Variants in GALNTL6 observed in about 807,000 individuals in gnomAD.
GALNTL6 encodes the protein polypeptide N-acetylgalactosaminyltransferase-like 6.
A neutral mutation model predicts 73.7 loss-of-function variants in GALNTL6; 46 were observed. The observed-to-expected ratio is 0.62, with a 90% CI of 0.49 to 0.80. GALNTL6 has a LOEUF of 0.80. Ranked by LOEUF, GALNTL6 falls within the 30% of genes least tolerant of loss-of-function variation. GALNTL6 has a pLI of 0.00. For synonymous variants in GALNTL6, 259 were observed against 263.7 expected, an observed-to-expected ratio of 0.98 and a Z score of 0.17; for missense variants, 604 against 755.0, an observed-to-expected ratio of 0.80 and a Z score of 2.34.
intron 5 of GALNTL6, among the ~76,000 whole-genome samples, chr4:172,373,726 T>C (rs1742912839): frequency 6.6e-6 from 1 of 152,094 alleles, no homozygotes. Context: ...CTCTACCTAA[T>C]AAGGGTGTGG....
chr4:172,809,912 TACACACAC>T lies in GALNTL6; in HGVS notation c.739+398_739+405del, dbSNP rs5864170. 0.062 allele frequency among the ~76,000 whole-genome samples: 8,786 copies of T among 141,200 alleles called. 366 individuals carry two copies. Among genetic ancestry groups the T allele is most frequent in the African/African-American group, 0.13 (4,962 of 38,430 alleles). 92.6% of individuals were successfully genotyped at this position (141,200 alleles called of 152,430 possible). ...TCCTGTAGCTACAGCAAGATTAAAA[TACACACAC>T]ACACACACACACACACACACACACA... On this transcript the variant is annotated intron_variant, in intron 6 of 12. Transcript: ENST00000506823. The surrounding 1 kb of genome is among the most constrained non-coding windows in gnomAD (Gnocchi z 4.4).
At chr4:171,814,958 A>G in intron 2 of GALNTL6, 4 of 563,572 alleles carry the variant, frequency 7.1e-6, no homozygotes, top group Non-Finnish European at 1.3e-5. Flanking sequence ...GAAGAAGAGA[A>G]GATAATCTTT....
At chr4:172,549,231 T>C (rs765312812) in intron 5 of GALNTL6, among the ~76,000 whole-genome samples, 1 of 152,212 alleles carries the variant, frequency 6.6e-6, no homozygotes, top group Non-Finnish European at 1.5e-5. Context: ...TTGGCTGTTA[T>C]TGAAGGGAGT....
intron 5 of GALNTL6, among the ~76,000 whole-genome samples, chr4:172,375,138 G>T (rs367632233): frequency 2.0e-5 from 3 of 152,152 alleles, no homozygotes; most frequent in Admixed American, 1.3e-4. Context: ...TAGGATATGG[G>T]GATAAGCTGA....
chr4:172,259,393 G>A (rs1388229680), intron 3 of GALNTL6, among the ~76,000 whole-genome samples: 4 of 149,202 alleles, frequency 2.7e-5, no homozygotes, highest in African/African-American at 7.3e-5. Context: ...TCGGCCATTC[G>A]TATATCTTCT....
intron 2 of GALNTL6, among the ~76,000 whole-genome samples, chr4:172,097,154 TG>T (rs1231090445): frequency 1.3e-5 from 2 of 152,196 alleles, no homozygotes; most frequent in Non-Finnish European, 2.9e-5. Context: ...TTCCTGTTTT[TG>T]GTCGTATTAC....
chr4:172,366,935 G>A (rs1395865164), intron 5 of GALNTL6, among the ~76,000 whole-genome samples: 1 of 152,136 alleles, frequency 6.6e-6, no homozygotes, highest in Non-Finnish European at 1.5e-5. Context: ...TAATTAATTA[G>A]GTAACATCAA....
At chr4:171,964,712 A>C (rs1421536529) in intron 2 of GALNTL6, among the ~76,000 whole-genome samples, 2 of 152,222 alleles carry the variant, frequency 1.3e-5, no homozygotes, top group Non-Finnish European at 2.9e-5. Context: ...AGTGGTGGCT[A>C]TGAAGCAGCA....
chr4:172,719,456 G>T, intron 5 of GALNTL6, among the ~76,000 whole-genome samples: 1 of 151,876 alleles, frequency 6.6e-6, no homozygotes, highest in African/African-American at 2.4e-5. Flanking sequence ...TGTATATAAT[G>T]GATATATCCC....
At chr4:172,156,559 A>ATAC (rs1553997745) in intron 2 of GALNTL6, among the ~76,000 whole-genome samples, 11 of 96,092 alleles carry the variant, frequency 1.1e-4, no homozygotes, top group African/African-American at 4.2e-4. Context: ...ATATATATAT[A>ATAC]TATATATACA....
At chr4:171,937,565 G>C (rs1001609903) in intron 2 of GALNTL6, among the ~76,000 whole-genome samples, 1 of 152,040 alleles carries the variant, frequency 6.6e-6, no homozygotes, top group African/African-American at 2.4e-5. Context: ...CTGAAAACTG[G>C]AGATTTCTGT....
chr4:172,766,367 G>A (rs1292743254), intron 5 of GALNTL6, among the ~76,000 whole-genome samples: 4 of 152,054 alleles, frequency 2.6e-5, no homozygotes, highest in East Asian at 1.9e-4. Flanking sequence ...TATGCATTCC[G>A]AGTCTATGTT....
intron 2 of GALNTL6, among the ~76,000 whole-genome samples, chr4:171,840,872 A>C (rs1274585454): frequency 6.6e-6 from 1 of 152,086 alleles, no homozygotes; most frequent in Non-Finnish European, 1.5e-5. Flanking sequence ...CCCCCATTGG[A>C]AAATTGGACA....
chr4:172,966,327 G>T (rs568192147), intron 10 of GALNTL6, among the ~76,000 whole-genome samples: 1 of 151,850 alleles, frequency 6.6e-6, no homozygotes, highest in African/African-American at 2.4e-5. Flanking sequence ...CAAGAATAGC[G>T]CAGCCAATTA....
chr4:172,785,383 G>A (rs927564317), intron 5 of GALNTL6, among the ~76,000 whole-genome samples: 3 of 152,010 alleles, frequency 2.0e-5, no homozygotes, highest in African/African-American at 2.4e-5. Flanking sequence ...CTAAATAAGA[G>A]AAGGTCAAAA....
intron 5 of GALNTL6, among the ~76,000 whole-genome samples, chr4:172,395,125 A>G (rs1397026875): frequency 1.3e-5 from 2 of 152,328 alleles, no homozygotes; most frequent in South Asian, 2.1e-4. Flanking sequence ...GAAGCATTCT[A>G]TATTTATGAA....
Position 173,021,471 on chromosome 4 carries a change from G to A in GALNTL6, c.1489-5G>A, listed in dbSNP as rs199873501. The stretch of plus-strand genomic sequence containing the variant: ...GCAGCTTTTCTGCTACTGTTGCTTT[G>A]CTAGCTTTTTACCTTTGGATGGAGA... On this transcript the variant is annotated splice_polypyrimidine_tract_variant and splice_region_variant and intron_variant, in intron 11 of 12. Coordinates refer to ENST00000506823, the MANE Select transcript of GALNTL6 (RefSeq NM_001034845.3). 2.1e-3 allele frequency: 3,445 copies of A among 1,613,914 alleles called. 10 individuals are homozygous for A. The highest frequency in any genetic ancestry group is 2.2e-3 in the Non-Finnish European group (2,600 of 1,179,892).
At chr4:171,908,108 T>C (rs1467142013) in intron 2 of GALNTL6, among the ~76,000 whole-genome samples, 2 of 151,990 alleles carry the variant, frequency 1.3e-5, no homozygotes, top group African/African-American at 2.4e-5. Flanking sequence ...GTCTAAAACA[T>C]CAAAAGCAAT....
At chr4:172,995,979 A>G in intron 10 of GALNTL6, among the ~76,000 whole-genome samples, 1 of 152,190 alleles carries the variant, frequency 6.6e-6, no homozygotes, top group East Asian at 1.9e-4. Flanking sequence ...CCTTGACTTT[A>G]TGAAATCACA....
Sources: gnomAD v4.1 joint callset for allele counts (sites outside exome capture counted in the v4.1 genomes callset) on GRCh38, gnomAD v4.1.1 for gene constraint, Gnocchi (gnomAD v3.1) non-coding constraint, MANE v1.5 for transcripts, NCBI Gene and HGNC (gene_info 2026-07-23, HGNC 2026-07-21) for gene names.